Variants in SETBP1 observed in about 807,000 individuals in gnomAD.
SETBP1 encodes the protein SET-binding protein.
In SETBP1, 9 loss-of-function variants were observed where a neutral mutation model predicts 101.0. The ratio of observed to expected loss-of-function variants is 0.09; its 90% CI spans 0.05 to 0.16. SETBP1 has a LOEUF of 0.16. SETBP1 is among the 10% of genes least tolerant of loss of function. SETBP1 has a pLI of 1.00. For missense variants in SETBP1, 1,858 were observed against 2,033.8 expected (o/e 0.91, Z 1.66); for synonymous variants, 818 against 788.5 (o/e 1.04, Z -0.63).
intron 3 of SETBP1, among the ~76,000 whole-genome samples, chr18:44,893,628 G>A (rs577269321): frequency 9.3e-4 from 141 of 152,098 alleles, no homozygotes; most frequent in Non-Finnish European, 1.8e-3. Flanking sequence ...TATATAAGCT[G>A]TTTTGTTTTG....
chr18:44,902,767 G>A (rs979900861), intron 3 of SETBP1, among the ~76,000 whole-genome samples: 6 of 152,038 alleles, frequency 3.9e-5, no homozygotes, highest in Non-Finnish European at 8.8e-5. Flanking sequence ...GGTATTTTCA[G>A]AATAAATTCT....
intron 2 of SETBP1, among the ~76,000 whole-genome samples, chr18:44,760,483 T>A (rs1191563420): frequency 4.6e-5 from 7 of 152,226 alleles, no homozygotes; most frequent in Admixed American, 4.6e-4. Flanking sequence ...CTTATTTCTG[T>A]CATCAAAGGA....
intron 3 of SETBP1, among the ~76,000 whole-genome samples, chr18:44,922,523 A>G (rs1249709409): frequency 6.6e-6 from 1 of 152,196 alleles, no homozygotes; most frequent in Non-Finnish European, 1.5e-5. Flanking sequence ...GGTGTTGCAA[A>G]TTACCTTTAT....
At position 44,951,549 on chromosome 18, in the gene SETBP1, C is replaced by A. The variant is rs1470620191; in HGVS notation, c.2209C>A (p.Pro737Thr). 1.2e-6 allele frequency: 2 copies of A among 1,614,098 alleles called. No individual in the cohort carries two copies. Among genetic ancestry groups the A allele is most frequent in the Non-Finnish European group, 8.5e-7 (1 of 1,180,022 alleles). ...CAGGAAGCCAAGAGCAGAGCTGCCACCCCCATCCGAAGAACCCAAAACAGC... is the reference window on the plus strand; with the variant it reads ...CAGGAAGCCAAGAGCAGAGCTGCCAACCCCATCCGAAGAACCCAAAACAGC... ...RGRKPRAELPPPSEEPKTAIK... is the reference protein window; with the variant it reads ...RGRKPRAELPTPSEEPKTAIK... The change falls in exon 4 of 6, where the codon CCC becomes ACC. Residue 737 changes from proline to threonine, a missense_variant. Around this residue, in one of 12 missense-constraint regions of SETBP1, gnomAD observed 121 missense variants for 138.0 expected, o/e 0.88. Transcript: ENST00000649279. The surrounding 1 kb of genome is among the most constrained non-coding windows in gnomAD (Gnocchi z 7.8).
intron 2 of SETBP1, among the ~76,000 whole-genome samples, chr18:44,824,597 G>T (rs2072193351): frequency 6.6e-6 from 1 of 152,124 alleles, no homozygotes; most frequent in South Asian, 2.1e-4. Context: ...ACATAACACT[G>T]CCAGAGGTGT....
chr18:44,843,709 A>C (rs2144541318), intron 2 of SETBP1, among the ~76,000 whole-genome samples: 1 of 152,208 alleles, frequency 6.6e-6, no homozygotes, highest in Non-Finnish European at 1.5e-5. Flanking sequence ...AGGCATGTGG[A>C]GGCAGTAGGG....
chr18:44,747,774 C>A (rs948539786), intron 2 of SETBP1, among the ~76,000 whole-genome samples: 7 of 152,240 alleles, frequency 4.6e-5, no homozygotes, highest in African/African-American at 1.2e-4. Flanking sequence ...AATCTGATGT[C>A]TTTGCAGTAG....
chr18:44,805,761 AGCTTGTAGGGCTAGAGC>A (rs2071719333), intron 2 of SETBP1, among the ~76,000 whole-genome samples: 1 of 151,928 alleles, frequency 6.6e-6, no homozygotes, highest in African/African-American at 2.4e-5. Flanking sequence ...CTCAGCGCTG[AGCTTGTAGGGCTAGAGC>A]ACCTTTGGTT....
chr18:44,690,225 A>G (rs2614995), intron 1 of SETBP1, among the ~76,000 whole-genome samples: 152,129 of 152,358 alleles, frequency 1, 75,950 homozygotes, highest in Middle Eastern at 1. Context: ...CAGTAACAAG[A>G]CAATGTTTAA....
chr18:44,891,642 G>GA (rs76279795), intron 3 of SETBP1, among the ~76,000 whole-genome samples: 81,466 of 151,214 alleles, frequency 0.54, 21,935 homozygotes, highest in Non-Finnish European at 0.55. Flanking sequence ...TTCTATTCCT[G>GA]AAAAAAAAAT....
intron 2 of SETBP1, among the ~76,000 whole-genome samples, chr18:44,754,469 A>C: frequency 6.6e-6 from 1 of 152,114 alleles, no homozygotes; most frequent in East Asian, 1.9e-4. Context: ...GGTTATTTCT[A>C]TTTTGTATCA....
At chr18:44,683,070 G>A (rs968376001) in intron 1 of SETBP1, among the ~76,000 whole-genome samples, 3 of 152,136 alleles carry the variant, frequency 2.0e-5, no homozygotes, top group East Asian at 1.9e-4. Context: ...CAGTAGTGTC[G>A]GTTAAGAAGG....
chr18:44,958,306 T>A (rs1406287040), intron 4 of SETBP1, among the ~76,000 whole-genome samples: 1 of 152,214 alleles, frequency 6.6e-6, no homozygotes, highest in African/African-American at 2.4e-5. Flanking sequence ...TCTATGAGAC[T>A]CATCCCATTC....
intron 4 of SETBP1, among the ~76,000 whole-genome samples, chr18:45,003,858 A>T (rs2072669398): frequency 6.6e-6 from 1 of 152,140 alleles, no homozygotes; most frequent in African/African-American, 2.4e-5. Flanking sequence ...GTGCTTTATG[A>T]CTTAGGTGTG....
At chr18:44,822,694 A>G (rs1241455171) in intron 2 of SETBP1, among the ~76,000 whole-genome samples, 4 of 152,194 alleles carry the variant, frequency 2.6e-5, no homozygotes, top group Non-Finnish European at 5.9e-5. Context: ...TGGCAGCTAC[A>G]TGGAGAAGCT....
intron 4 of SETBP1, among the ~76,000 whole-genome samples, chr18:45,015,973 A>G (rs547705619): frequency 6.6e-6 from 1 of 152,334 alleles, no homozygotes. Flanking sequence ...CACTTCAGAA[A>G]ACTGAGGCCA....
chr18:44,706,591 CAAAAAAAAAAAAAA>C (rs1018470585), intron 2 of SETBP1, among the ~76,000 whole-genome samples: 50 of 16,972 alleles, frequency 2.9e-3, no homozygotes, highest in South Asian at 8.5e-3. Context: ...GACTCAATCT[CAAAAAAAAAAAAAA>C]AAAAAAAAAA....
intron 2 of SETBP1, among the ~76,000 whole-genome samples, chr18:44,746,639 A>G (rs1025487855): frequency 1.3e-5 from 2 of 152,222 alleles, no homozygotes; most frequent in Non-Finnish European, 2.9e-5. Context: ...AAGGCATTTA[A>G]TAGATGTTTG....
intron 2 of SETBP1, among the ~76,000 whole-genome samples, chr18:44,763,636 G>A (rs1251060731): frequency 5.9e-5 from 9 of 152,160 alleles, no homozygotes; most frequent in Non-Finnish European, 1.0e-4. Context: ...CGCTTTCTCC[G>A]GTACTCTTCT....
Sources: gnomAD v4.1 joint callset for allele counts (sites outside exome capture counted in the v4.1 genomes callset) on GRCh38, gnomAD v4.1.1 for gene constraint, gnomAD v4.1.1 regional missense constraint, Gnocchi (gnomAD v3.1) non-coding constraint, MANE v1.5 for transcripts, NCBI Gene and HGNC (gene_info 2026-07-23, HGNC 2026-07-21) for gene names.